The following GRSF1 variants were observed in gnomAD, a reference collection of about 807,000 sequenced individuals.
GRSF1 encodes the protein G-rich sequence factor 1.
GRSF1 carries 50 observed loss-of-function variants against 51.1 expected under a neutral mutation model. The ratio of observed to expected loss-of-function variants is 0.98; its 90% CI spans 0.78 to 1.24. The LOEUF is 1.24. Ranked by LOEUF, GRSF1 falls within the 50% of genes most tolerant of loss-of-function variation. The pLI is 0.00. For missense variants in GRSF1, 700 were observed against 639.7 expected, an observed-to-expected ratio of 1.09 and a Z score of -1.02; for synonymous variants, 293 against 253.3, an observed-to-expected ratio of 1.16 and a Z score of -1.49.
At position 70,820,730 on chromosome 4, in the gene GRSF1, C is replaced by T. The variant is rs980293832; in HGVS notation, c.*157G>A. On this transcript the variant is annotated 3_prime_UTR_variant, in exon 10 of 10. Coordinates refer to ENST00000254799, the MANE Select transcript of GRSF1 (RefSeq NM_002092.4). ...TTCATTTCTTCTTCTAAACAGTCCA[C>T]TATGAAACTTTTCTTAGAAGCAATT... The T allele has an allele frequency of 1.3e-5, 2 of 152,646 alleles. No homozygotes were observed. Among genetic ancestry groups the T allele is most frequent in the Admixed American group, 1.3e-4 (2 of 15,278 alleles). The allele number at this position is 152,646 out of a possible 1,614,324, so 9.5% of individuals were successfully genotyped here.
At chr4:70,840,023 C>A (rs575848824), upstream of GRSF1, 28 of 515,238 alleles carry the variant, frequency 5.4e-5, no homozygotes, top group South Asian at 4.3e-4. Flanking sequence ...TTGGGCGGGG[C>A]TGCCCATGGT....
At chr4:70,839,072 GA>G (rs1415174059) in intron 1 of GRSF1, 2 of 1,219,856 alleles carry the variant, frequency 1.6e-6, no homozygotes, top group East Asian at 5.7e-5. Flanking sequence ...GGGCTGCACG[GA>G]AACTCCCAAC....
rs1214027849 is a variant in GRSF1 at position 70,818,856 on chromosome 4, C to CA, written c.*2030dup. ...CTTCCTTCAATAGCAAAGAGTGATG[C>CA]AAAACAGTCTTCTCAAATGTGGGGA... On this transcript the variant is annotated 3_prime_UTR_variant, in exon 10 of 10. Coordinates refer to ENST00000254799, the MANE Select transcript of GRSF1 (RefSeq NM_002092.4). The CA allele has an allele frequency of 6.6e-6, 1 of 152,118 alleles. No individual in the cohort carries two copies. The highest frequency in any genetic ancestry group is 2.4e-5 in the African/African-American group (1 of 41,434). 9.4% of individuals were successfully genotyped at this position (152,118 alleles called of 1,614,324 possible).
chr4:70,835,459 A>AATTT (rs1455880586), intron 2 of GRSF1, among the ~76,000 whole-genome samples: 1 of 131,178 alleles, frequency 7.6e-6, no homozygotes, highest in African/African-American at 2.8e-5. Flanking sequence ...AGTATGATGG[A>AATTT]TTTTTTTTTT....
At chr4:70,835,136 A>G (rs6816307) in intron 2 of GRSF1, among the ~76,000 whole-genome samples, 2,353 of 151,826 alleles carry the variant, frequency 0.015, 58 homozygotes, top group African/African-American at 0.054. Context: ...ACTCTTTGTT[A>G]TGGCTACGTA....
chr4:70,824,615 C>T (rs1280923925), intron 8 of GRSF1, among the ~76,000 whole-genome samples: 1 of 151,790 alleles, frequency 6.6e-6, no homozygotes, highest in Non-Finnish European at 1.5e-5. Context: ...GAAACCCCAT[C>T]TCTACTAAAA....
chr4:70,841,347 C>A (rs1251394224), upstream of GRSF1, among the ~76,000 whole-genome samples: 1 of 152,076 alleles, frequency 6.6e-6, no homozygotes, highest in Non-Finnish European at 1.5e-5. Context: ...AAGGTGAACC[C>A]TCCCCTAATG....
chr4:70,832,098 G>A (rs1350560381), intron 4 of GRSF1, among the ~76,000 whole-genome samples: 1 of 151,988 alleles, frequency 6.6e-6, no homozygotes, highest in African/African-American at 2.4e-5. Context: ...AAATTATTCT[G>A]AAATCTGACT....
upstream of GRSF1, among the ~76,000 whole-genome samples, chr4:70,842,588 C>T (rs1734480142): frequency 6.6e-6 from 1 of 151,912 alleles, no homozygotes; most frequent in Non-Finnish European, 1.5e-5. Context: ...AAGCATGAAC[C>T]ACCACACCTG....
In GRSF1 at chr4:70,831,608, T is replaced by A. The variant is rs773926953; in HGVS notation, c.881A>T (p.Tyr294Phe). Reference sequence around the variant, plus strand: ...CATTTCTGGTTCTTCAAATTGCACATAGGCTTCCCCTGTTTTTCGCCTCCC... The same window carrying A: ...CATTTCTGGTTCTTCAAATTGCACAAAGGCTTCCCCTGTTTTTCGCCTCCC... ...YRGRRKTGEA[Y>F]VQFEEPEMAN... is the part of the protein sequence containing the mutation. Residue 294 changes from tyrosine to phenylalanine, a missense_variant, in exon 5 of 10, where the codon TAT (tyrosine) becomes TTT (phenylalanine). Tyr to Phe is a conservative substitution (Grantham distance 22). Coordinates refer to ENST00000254799, the MANE Select transcript of GRSF1 (RefSeq NM_002092.4). 9.9e-6 allele frequency: 16 copies of A among 1,613,508 alleles called. No individual in the cohort carries two copies. The highest frequency in any genetic ancestry group is 5.3e-5 in the African/African-American group (4 of 74,940).
intron 7 of GRSF1, 94 bp downstream of exon 7, chr4:70,826,030 A>G (rs896926382): frequency 5.5e-5 from 59 of 1,076,250 alleles, no homozygotes; most frequent in South Asian, 7.1e-5. Context: ...CAGAAACACT[A>G]TATTTTCTTC....
rs11478421 is a variant in GRSF1, at chr4:70,816,346, CAAA to C, written c.*4538_*4540del. ...GCCTGGGCGATACAAGACTCCATCT[CAAA>C]AAAAAAAAAAAAAAAAGAAAAAACC... On this transcript the variant is annotated 3_prime_UTR_variant, in exon 10 of 10. Transcript: ENST00000254799. 9 of 85,460 alleles carry C rather than the reference CAAA, an allele frequency of 1.1e-4. No individual in the cohort carries two copies. The highest frequency in any genetic ancestry group is 3.9e-4 in the South Asian group (1 of 2,578). The allele number at this position is 85,460 out of a possible 1,614,324, so 5.3% of individuals were successfully genotyped here.
rs1368601616 is a variant in GRSF1, at chr4:70,825,410, C to G, written c.1279G>C (p.Val427Leu). Residue 427 changes from valine (V) to leucine (L), a missense_variant, in exon 8 of 10, where the codon GTT becomes CTT. Transcript: ENST00000254799. ...GAGCTGTATTCCATGGTGATTCTAA[C>G]AGGCTTGAGTGGAGCAAAAAACTAA... Reference protein sequence around the residue: ...IINFFAPLKPVRITMEYSSSG... With the variant: ...IINFFAPLKPLRITMEYSSSG... 2 of 1,611,432 alleles carry G rather than the reference C, an allele frequency of 1.2e-6. No individual in the cohort carries two copies. The highest frequency in any genetic ancestry group is 3.3e-5 in the Admixed American group (2 of 59,860).
In GRSF1 at chr4:70,819,391, G is replaced by A. The variant is rs1489696131; in HGVS notation, c.*1496C>T. 3 of 152,034 alleles carry A rather than the reference G, an allele frequency of 2.0e-5. No homozygotes were observed. Among genetic ancestry groups the A allele is most frequent in the Non-Finnish European group, 4.4e-5 (3 of 68,006 alleles). The allele number at this position is 152,034 out of a possible 1,614,324, so 9.4% of individuals were successfully genotyped here. ...GCAGTACTACTGATGATGTTAAGCT[G>A]GTTAAGTCATGTTCACAGGATTTTA... is the stretch of plus-strand genomic sequence containing the variant. On this transcript the variant is annotated 3_prime_UTR_variant, in exon 10 of 10. Coordinates refer to ENST00000254799, the MANE Select transcript of GRSF1 (RefSeq NM_002092.4).
In GRSF1 at chr4:70,839,888, A is replaced by C. The variant is rs1734401016; in HGVS notation, c.-61T>G. ...GCTCCAGCAGCGATGGTGGAACGGAAGTGGAATCCAGGGCCGGTTGGGGGT... is the reference window on the plus strand; with the variant it reads ...GCTCCAGCAGCGATGGTGGAACGGACGTGGAATCCAGGGCCGGTTGGGGGT... On this transcript the variant is annotated 5_prime_UTR_variant, in exon 1 of 10. Coordinates refer to ENST00000254799, the MANE Select transcript of GRSF1 (RefSeq NM_002092.4). 5.0e-6 allele frequency: 7 copies of C among 1,386,282 alleles called. No individual in the cohort carries two copies. Among genetic ancestry groups the C allele is most frequent in the Admixed American group, 6.3e-5 (2 of 31,938 alleles). 85.9% of individuals were successfully genotyped at this position (1,386,282 alleles called of 1,614,324 possible).
intron 5 of GRSF1, among the ~76,000 whole-genome samples, chr4:70,828,250 T>C (rs1350938127): frequency 6.6e-6 from 1 of 152,218 alleles, no homozygotes; most frequent in Non-Finnish European, 1.5e-5. Context: ...TGCATCAAGG[T>C]AACACTTTTT....
rs1272204274 is a variant in GRSF1, at chr4:70,815,914, A to C, written c.*4973T>G. ...TTCATACATAGAACACTGCTCAGCC[A>C]TAAAAAGGAACAAAGCTTAAACACA... On this transcript the variant is annotated 3_prime_UTR_variant, in exon 10 of 10. Transcript: ENST00000254799. 2 of 152,224 alleles carry C rather than the reference A, an allele frequency of 1.3e-5. No homozygotes were observed. Among genetic ancestry groups the C allele is most frequent in the African/African-American group, 2.4e-5 (1 of 41,454 alleles). The allele number at this position is 152,224 out of a possible 1,614,324, so 9.4% of individuals were successfully genotyped here.
At position 70,818,635 on chromosome 4, in the gene GRSF1, T is replaced by A. The variant is rs1332980100; in HGVS notation, c.*2252A>T. 1 of 152,188 alleles carries A rather than the reference T, an allele frequency of 6.6e-6. No homozygotes were observed. Among genetic ancestry groups the A allele is most frequent in the East Asian group, 1.9e-4 (1 of 5,196 alleles). 9.4% of individuals were successfully genotyped at this position (152,188 alleles called of 1,614,324 possible). On this transcript the variant is annotated 3_prime_UTR_variant, in exon 10 of 10. Transcript: ENST00000254799. ...ACAATATTCAGATGAGACCACAATA[T>A]TCAGCAATCAGCTCCCTGGTATTTA...
Position 70,824,360 on chromosome 4 carries a change from AC to A in GRSF1, c.1401del (p.Arg467SerfsTer7), listed in dbSNP as rs1225681583. 1 of 1,453,486 alleles carries A rather than the reference AC, an allele frequency of 6.9e-7. No homozygotes were observed. Among genetic ancestry groups the A allele is most frequent in the Non-Finnish European group, 9.6e-7 (1 of 1,045,864 alleles). The allele number at this position is 1,453,486 out of a possible 1,614,324, so 90.0% of individuals were successfully genotyped here. A position where few individuals can be genotyped will look rare whatever the true frequency, so the allele number is the denominator to read the frequency against. ...CATGAATTCAGGAACAGTTCAATAT[AC>A]CTATGATCTGAGGATAATGAGAAAG... ...MLKDRSHVHH[R>X]YIELFLNSCP... On this transcript the variant is annotated frameshift_variant, in exon 9 of 10. Transcript: ENST00000254799. LOFTEE classifies it high-confidence loss of function.
Sources: allele counts gnomAD v4.1 joint callset (sites outside exome capture counted in the v4.1 genomes callset), GRCh38; gene constraint gnomAD v4.1.1; transcripts MANE v1.5; gene names NCBI Gene and HGNC (gene_info 2026-07-23, HGNC 2026-07-21).